The following TRPC5 variants were observed in gnomAD, a reference collection of about 807,000 sequenced individuals.
TRPC5 encodes short transient receptor potential channel 5.
In TRPC5, 9 loss-of-function variants were observed where a neutral mutation model predicts 56.5. That is an observed-to-expected ratio of 0.16 (90% CI 0.10 to 0.28). TRPC5 has a LOEUF of 0.28. Among genes scored for constraint, TRPC5 ranks in the 10% least tolerant of loss-of-function variants. The pLI is 1.00. For synonymous variants in TRPC5, 282 were observed against 278.5 expected, an observed-to-expected ratio of 1.01 and a Z score of -0.13; for missense variants, 469 against 748.9, an observed-to-expected ratio of 0.63 and a Z score of 4.36.
intron 1 of TRPC5, among the ~76,000 whole-genome samples, chrX:112,029,605 C>G (rs1020503081): frequency 9.0e-6 from 1 of 111,654 alleles, no homozygotes; most frequent in Non-Finnish European, 1.9e-5. Flanking sequence ...ATTTACATTT[C>G]CACCAGCAGT....
intron 3 of TRPC5, among the ~76,000 whole-genome samples, chrX:111,871,215 G>A (rs1184713775): frequency 2.7e-5 from 3 of 112,130 alleles, no homozygotes; most frequent in African/African-American, 9.7e-5. Context: ...TGTTGCCTAT[G>A]CCTGTCTTCC....
At chrX:111,995,697 C>T (rs1928506976) in intron 1 of TRPC5, among the ~76,000 whole-genome samples, 1 of 111,369 alleles carries the variant, frequency 9.0e-6, no homozygotes, top group South Asian at 3.8e-4. Context: ...GTTCTGGGAA[C>T]CTGTATGTGT....
intron 1 of TRPC5, among the ~76,000 whole-genome samples, chrX:112,052,334 G>T (rs184817728): frequency 1.8e-5 from 2 of 110,617 alleles, no homozygotes; most frequent in African/African-American, 6.6e-5. Flanking sequence ...GTATGATGTG[G>T]TATCTCATTA....
chrX:111,877,638 T>C (rs139922947), intron 3 of TRPC5, among the ~76,000 whole-genome samples: 3,921 of 110,951 alleles, frequency 0.035, 178 homozygotes, highest in African/African-American at 0.12. Context: ...GGTAAAACCA[T>C]AGGAGTTGGT....
intron 5 of TRPC5, among the ~76,000 whole-genome samples, chrX:111,851,198 T>C (rs969315283): frequency 8.9e-6 from 1 of 112,450 alleles, no homozygotes; most frequent in Non-Finnish European, 1.9e-5. Context: ...ATTTATGCAA[T>C]ATGCATATTA....
At chrX:111,795,578 A>G (rs1921059300) in intron 7 of TRPC5, among the ~76,000 whole-genome samples, 1 of 111,440 alleles carries the variant, frequency 9.0e-6, no homozygotes, top group Non-Finnish European at 1.9e-5. Flanking sequence ...GATTAAAAAA[A>G]AATTAGTTGT....
chrX:111,844,571 T>G (rs1360230390), intron 6 of TRPC5, among the ~76,000 whole-genome samples: 1 of 107,132 alleles, frequency 9.3e-6, no homozygotes, highest in Non-Finnish European at 1.9e-5. Flanking sequence ...GTTCAAGCGA[T>G]TCTCCTGCCT....
intron 1 of TRPC5, among the ~76,000 whole-genome samples, chrX:112,005,758 G>A (rs1395474386): frequency 2.7e-5 from 3 of 111,461 alleles, no homozygotes; most frequent in Non-Finnish European, 5.6e-5. Context: ...CTTTATATAG[G>A]GTGAGCCACT....
At chrX:111,925,271 C>G (rs1481445112) in intron 2 of TRPC5, among the ~76,000 whole-genome samples, 1 of 112,155 alleles carries the variant, frequency 8.9e-6, no homozygotes, top group South Asian at 3.7e-4. Flanking sequence ...GCTCCATGGG[C>G]CTTTCAGCCC....
intron 7 of TRPC5, among the ~76,000 whole-genome samples, chrX:111,803,294 CCATAATAAA>C (rs751467167): frequency 1.8e-5 from 2 of 111,603 alleles, no homozygotes; most frequent in Admixed American, 1.9e-4. Flanking sequence ...GTGAATAGTG[CCATAATAAA>C]CATAATAAAC....
At chrX:111,872,581 A>G (rs1340404458) in intron 3 of TRPC5, among the ~76,000 whole-genome samples, 1 of 111,917 alleles carries the variant, frequency 8.9e-6, no homozygotes, top group African/African-American at 3.3e-5. Context: ...TGCAGGAGGT[A>G]TGGCTTTTTC....
chrX:111,865,862 C>T (rs1569526813), intron 3 of TRPC5, among the ~76,000 whole-genome samples: 1 of 112,399 alleles, frequency 8.9e-6, no homozygotes. Flanking sequence ...ACACAAGTCT[C>T]CTGGGAGTTG....
At position 112,010,901 on chromosome X, in the gene TRPC5, C is replaced by T. The variant is rs184883807; in HGVS notation, c.-21-58460G>A. Among the ~76,000 whole-genome samples the T allele has an allele frequency of 1.1e-3, 125 of 111,616 alleles. 1 individual carries two copies. The highest frequency in any genetic ancestry group is 3.7e-3 in the African/African-American group (115 of 30,702). On this transcript the variant is annotated intron_variant, in intron 1 of 10. Transcript: ENST00000262839. The stretch of plus-strand genomic sequence containing the variant: ...ATTGTTTGTTAAGTAAATGTGAAAC[C>T]GAGGATGTATGGCAGCCAAACTTCC...
intron 1 of TRPC5, among the ~76,000 whole-genome samples, chrX:111,978,934 C>T (rs1928004571): frequency 9.0e-6 from 1 of 111,251 alleles, no homozygotes; most frequent in African/African-American, 3.3e-5. Context: ...CATCATACTT[C>T]ATTATGGAAG....
intron 1 of TRPC5, among the ~76,000 whole-genome samples, chrX:111,990,000 G>A (rs1928311822): frequency 8.9e-6 from 1 of 112,516 alleles, no homozygotes; most frequent in African/African-American, 3.2e-5. Flanking sequence ...AGCTTTATCT[G>A]TAGTGTTCTA....
chrX:112,067,190 ACTTT>A (rs1930604650), intron 1 of TRPC5, among the ~76,000 whole-genome samples: 1 of 111,700 alleles, frequency 9.0e-6, no homozygotes, highest in South Asian at 3.8e-4. Flanking sequence ...ATCACAGAAG[ACTTT>A]GGGGGGTCCC....
intron 7 of TRPC5, among the ~76,000 whole-genome samples, chrX:111,815,160 G>T (rs1328310332): frequency 2.7e-5 from 3 of 111,684 alleles, no homozygotes; most frequent in African/African-American, 9.8e-5. Context: ...AACTCAAGAA[G>T]AATATAGAGG....
intron 1 of TRPC5, among the ~76,000 whole-genome samples, chrX:112,071,309 A>AAAATAAAT (rs199726256): frequency 0.04 from 4,165 of 105,179 alleles, 98 homozygotes; most frequent in Middle Eastern, 0.069. Context: ...CCCTGTCTCA[A>AAAATAAAT]AAATAAATAA....
chrX:111,858,966 T>C (rs1456199138), intron 3 of TRPC5, among the ~76,000 whole-genome samples: 1 of 111,674 alleles, frequency 9.0e-6, no homozygotes, highest in East Asian at 2.8e-4. Context: ...CCTACAGTTA[T>C]AAAAGGACAA....
Sources: gnomAD v4.1 joint callset for allele counts (sites outside exome capture counted in the v4.1 genomes callset) on GRCh38, gnomAD v4.1.1 for gene constraint, MANE v1.5 for transcripts, NCBI Gene and HGNC (gene_info 2026-07-23, HGNC 2026-07-21) for gene names.